Variants in WDR17 observed in about 807,000 individuals in gnomAD.
WDR17 encodes WD repeat domain 17.
In WDR17, 143 loss-of-function variants were observed where a neutral mutation model predicts 161.7. The ratio of observed to expected loss-of-function variants is 0.88; its 90% CI spans 0.77 to 1.02. WDR17 has a LOEUF of 1.02. Ranked by LOEUF, WDR17 falls within the 50% of genes least tolerant of loss-of-function variation. WDR17 has a pLI of 0.00. For missense variants in WDR17, 1,469 were observed against 1,520.9 expected, an observed-to-expected ratio of 0.97 and a Z score of 0.57; for synonymous variants, 517 against 515.6, an observed-to-expected ratio of 1.00 and a Z score of -0.04.
intron 6 of WDR17, among the ~76,000 whole-genome samples, chr4:176,131,201 A>T (rs953956564): frequency 1.3e-5 from 2 of 152,124 alleles, no homozygotes; most frequent in East Asian, 3.9e-4. Flanking sequence ...TGTGTGTGGA[A>T]GGAGGGAATA....
chr4:176,075,828 A>T (rs1733894997), intron 1 of WDR17, among the ~76,000 whole-genome samples: 1 of 151,876 alleles, frequency 6.6e-6, no homozygotes, highest in Non-Finnish European at 1.5e-5. Context: ...AAGAAAAAGA[A>T]ATTAGCCAGG....
In WDR17 at chr4:176,152,294, C is replaced by CAA. The variant is rs397837505; in HGVS notation, c.2460+346_2460+347dup. Among the ~76,000 whole-genome samples, 30 of 72,134 alleles carry CAA rather than the reference C, an allele frequency of 4.2e-4. 1 individual carries two copies. Among genetic ancestry groups the CAA allele is most frequent in the African/African-American group, 9.7e-4 (18 of 18,608 alleles). The allele number at this position is 72,134 out of a possible 152,430, so 47.3% of individuals were successfully genotyped here. Reference sequence around the variant, plus strand: ...TGGGCTACAGAAAGAGACCCTATCTCAAAAAAAAAAAAAAAAAAAAGCCTG... The same window carrying CAA: ...TGGGCTACAGAAAGAGACCCTATCTCAAAAAAAAAAAAAAAAAAAAAAGCCTG... On this transcript the variant is annotated intron_variant, in intron 17 of 28. Coordinates refer to ENST00000508596, the MANE Select transcript of WDR17 (RefSeq NM_181265.4).
At chr4:176,162,811 A>C (rs905778977) in intron 21 of WDR17, among the ~76,000 whole-genome samples, 5 of 152,124 alleles carry the variant, frequency 3.3e-5, no homozygotes, top group Non-Finnish European at 7.4e-5. Flanking sequence ...TATAATCTTA[A>C]AGAAGCTCTT....
chr4:176,123,515 G>A (rs962475171), intron 4 of WDR17, among the ~76,000 whole-genome samples: 3 of 152,078 alleles, frequency 2.0e-5, no homozygotes, highest in Non-Finnish European at 2.9e-5. Flanking sequence ...CGAGGTTCCC[G>A]TGGCCCCCTC....
chr4:176,105,925 T>C (rs1007083247), intron 1 of WDR17, among the ~76,000 whole-genome samples: 4 of 151,788 alleles, frequency 2.6e-5, no homozygotes, highest in Non-Finnish European at 4.4e-5. Context: ...TTGTCAAACC[T>C]GTAGCTGGAT....
At chr4:176,169,954 T>C (rs1387948767) in intron 23 of WDR17, among the ~76,000 whole-genome samples, 1 of 152,180 alleles carries the variant, frequency 6.6e-6, no homozygotes, top group African/African-American at 2.4e-5. Flanking sequence ...TACATTGAAA[T>C]TAAAATGCAT....
intron 21 of WDR17, among the ~76,000 whole-genome samples, chr4:176,162,877 A>C (rs1009679055): frequency 5.3e-5 from 8 of 152,082 alleles, no homozygotes; most frequent in African/African-American, 1.9e-4. Context: ...AGAATATCAT[A>C]GAGTGTTATT....
intron 23 of WDR17, among the ~76,000 whole-genome samples, chr4:176,171,893 T>C (rs1750785446): frequency 6.6e-6 from 1 of 152,174 alleles, no homozygotes; most frequent in African/African-American, 2.4e-5. Context: ...AGCTTCTACA[T>C]TTTTTGTGTC....
intron 4 of WDR17, among the ~76,000 whole-genome samples, chr4:176,123,038 A>G (rs1332143145): frequency 2.0e-5 from 3 of 152,186 alleles, no homozygotes; most frequent in African/African-American, 7.2e-5. Flanking sequence ...GGGCAAAAAA[A>G]TTGGAAAACT....
chr4:176,138,832 A>C (rs1441006875), intron 9 of WDR17, among the ~76,000 whole-genome samples: 1 of 151,804 alleles, frequency 6.6e-6, no homozygotes, highest in Non-Finnish European at 1.5e-5. Flanking sequence ...CCCAACATTC[A>C]CTAGCGAAAT....
intron 17 of WDR17, among the ~76,000 whole-genome samples, chr4:176,155,739 T>A (rs1748017429): frequency 1.2e-5 from 1 of 81,442 alleles, no homozygotes; most frequent in Non-Finnish European, 2.6e-5. Flanking sequence ...ATATATATGT[T>A]TTGGTAGACA....
chr4:176,159,553 A>C (rs1329575483), intron 18 of WDR17, among the ~76,000 whole-genome samples: 1 of 152,122 alleles, frequency 6.6e-6, no homozygotes, highest in Non-Finnish European at 1.5e-5. Flanking sequence ...AGTGATTTTT[A>C]AGCTACTTGA....
chr4:176,119,799 C>T, intron 3 of WDR17, 68 bp from the exon 4 acceptor site: 1 of 1,319,154 alleles, frequency 7.6e-7, no homozygotes, highest in Non-Finnish European at 1.1e-6. Context: ...GTAAACAGGG[C>T]AAGTAATATT....
chr4:176,160,256 C>T, intron 19 of WDR17, 130 bp downstream of exon 19: 1 of 1,004,866 alleles, frequency 1.0e-6, no homozygotes, highest in East Asian at 2.6e-5. Flanking sequence ...GCCCTCCTCC[C>T]TGGCCTTCTT....
At chr4:176,164,830 T>A (rs1401585382) in intron 22 of WDR17, among the ~76,000 whole-genome samples, 1 of 152,170 alleles carries the variant, frequency 6.6e-6, no homozygotes, top group African/African-American at 2.4e-5. Context: ...AGTTTCAGAC[T>A]TCAGTGTACT....
intron 4 of WDR17, among the ~76,000 whole-genome samples, chr4:176,122,161 T>G: frequency 6.6e-6 from 1 of 152,198 alleles, no homozygotes. Context: ...TGGCTTCCTG[T>G]TCCTTGGCTT....
intron 17 of WDR17, among the ~76,000 whole-genome samples, chr4:176,153,666 A>G (rs1747596105): frequency 6.6e-6 from 1 of 152,218 alleles, no homozygotes; most frequent in Non-Finnish European, 1.5e-5. Flanking sequence ...TTAATTGTGT[A>G]GCTACAAAGC....
rs1752118148 is a variant in WDR17, at chr4:176,181,188, T to G, written c.*1609T>G. 1 of 115,628 alleles carries G rather than the reference T, an allele frequency of 8.6e-6. No individual in the cohort carries two copies. The highest frequency in any genetic ancestry group is 2.9e-5 in the African/African-American group (1 of 34,740). The allele number at this position is 115,628 out of a possible 1,614,324, so 7.2% of individuals were successfully genotyped here. On this transcript the variant is annotated 3_prime_UTR_variant, in exon 29 of 29. Coordinates refer to ENST00000508596, the MANE Select transcript of WDR17 (RefSeq NM_181265.4). ...AGACATTACAGGCTTAAATTCCATT[T>G]TATTAAAAAAAAAAAATTGCCTGTA...
intron 18 of WDR17, among the ~76,000 whole-genome samples, chr4:176,156,729 T>C (rs992619929): frequency 3.3e-5 from 5 of 151,658 alleles, no homozygotes; most frequent in Admixed American, 6.6e-5. Flanking sequence ...ACAACAGAAA[T>C]TTATTTTCTC....
Sources: gnomAD v4.1 joint callset for allele counts (sites outside exome capture counted in the v4.1 genomes callset) on GRCh38, gnomAD v4.1.1 for gene constraint, MANE v1.5 for transcripts, NCBI Gene and HGNC (gene_info 2026-07-23, HGNC 2026-07-21) for gene names.